FAM110C: variants seen among roughly 807,000 people sequenced by gnomAD.
FAM110C encodes the protein protein FAM110C.
Under a neutral mutation model 15.7 loss-of-function variants are expected in FAM110C, and 19 were observed. That is an observed-to-expected ratio of 1.21 (90% confidence interval 0.85 to 1.78). FAM110C has a LOEUF of 1.78. Among genes scored for constraint, FAM110C ranks in the 40% most tolerant of loss-of-function variants. FAM110C has a pLI of 0.00. For missense variants in FAM110C, 547 were observed against 495.7 expected, an observed-to-expected ratio of 1.10 and a Z score of -0.98; for synonymous variants, 275 against 233.9, an observed-to-expected ratio of 1.18 and a Z score of -1.61.
chr2:46,008 GA>G lies in FAM110C; in HGVS notation c.377del (p.Leu126ProfsTer67). The G allele has an allele frequency of 6.8e-7, 1 of 1,477,996 alleles. No individual in the cohort carries two copies. The highest frequency in any genetic ancestry group is 1.4e-5 in the South Asian group (1 of 73,556). The allele number at this position is 1,477,996 out of a possible 1,614,324, so 91.6% of individuals were successfully genotyped here. ...CCTTGTCCTTACCCGGCCCCTGGAA[GA>G]GCTTCTTCACCAGGCTTGCCCTGGG... is the stretch of plus-strand genomic sequence containing the variant. ...DGPRASLVKK[L>X]FQGPGKDKAP... On this transcript the variant is annotated frameshift_variant, in exon 1 of 2. Coordinates refer to ENST00000327669, the MANE Select transcript of FAM110C (RefSeq NM_001077710.3). LOFTEE classifies it high-confidence loss of function.
At position 46,439 on chromosome 2, in the gene FAM110C, G is replaced by C; in HGVS notation, c.-54C>G. ...CCGGGTCCAGCGGAGACGCGCTCGA[G>C]TGGTAGAGCCAGTCAGTCCCAGGGC... On this transcript the variant is annotated 5_prime_UTR_variant, in exon 1 of 2. Coordinates refer to ENST00000327669, the MANE Select transcript of FAM110C (RefSeq NM_001077710.3). The C allele has an allele frequency of 8.1e-7, 1 of 1,232,052 alleles. No individual in the cohort carries two copies. Among genetic ancestry groups the C allele is most frequent in the Non-Finnish European group, 1.0e-6 (1 of 977,384 alleles). 76.3% of individuals were successfully genotyped at this position (1,232,052 alleles called of 1,614,324 possible). A position where few individuals can be genotyped will look rare whatever the true frequency, so the allele number is the denominator to read the frequency against.
Position 42,904 on chromosome 2 carries a change from C to T in FAM110C, c.947-1277G>A, listed in dbSNP as rs1289527164. ...AAAGCACAGCTTAAATTCCTGCTTC[C>T]ACATCTTCCAGAAGTTGCAGAACTG... On this transcript the variant is annotated intron_variant, in intron 1 of 1. Coordinates refer to ENST00000327669, the MANE Select transcript of FAM110C (RefSeq NM_001077710.3). The T allele has an allele frequency of 6.1e-6, 6 of 985,292 alleles. No individual in the cohort carries two copies. In the African/African-American group the frequency reaches 1.0e-4, roughly 17 times the overall value. The allele number at this position is 985,292 out of a possible 1,614,324, so 61.0% of individuals were successfully genotyped here. A position where few individuals can be genotyped will look rare whatever the true frequency, so the allele number is the denominator to read the frequency against.
At chr2:43,748 T>C (rs1664192681) in intron 1 of FAM110C, 4 of 985,438 alleles carry the variant, frequency 4.1e-6, no homozygotes, top group Non-Finnish European at 4.8e-6. Flanking sequence ...TACCACCAAG[T>C]CTACCTACTG....
In FAM110C at chr2:40,640, G is replaced by C. The variant is rs1338757678; in HGVS notation, c.*968C>G. 4 of 152,168 alleles carry C rather than the reference G, an allele frequency of 2.6e-5. No individual in the cohort carries two copies. Among genetic ancestry groups the C allele is most frequent in the Non-Finnish European group, 5.9e-5 (4 of 68,046 alleles). 9.4% of individuals were successfully genotyped at this position (152,168 alleles called of 1,614,324 possible). ...AAAAGAGTGAATTGGTGTCAAATTT[G>C]GGTTGATTACGTCATATGTGGAGGT... On this transcript the variant is annotated 3_prime_UTR_variant, in exon 2 of 2. Coordinates refer to ENST00000327669, the MANE Select transcript of FAM110C (RefSeq NM_001077710.3).
At chr2:45,164 A>G (rs780917746) in intron 1 of FAM110C, 377 of 985,276 alleles carry the variant, frequency 3.8e-4, no homozygotes, top group Non-Finnish European at 4.3e-4. Flanking sequence ...AATGGGACAT[A>G]TTAATTTGCA....
At position 45,685 on chromosome 2, in the gene FAM110C, C is replaced by T; in HGVS notation, c.701G>A (p.Arg234Lys). 2 of 1,605,594 alleles carry T rather than the reference C, an allele frequency of 1.2e-6. No homozygotes were observed. Among genetic ancestry groups the T allele is most frequent in the Admixed American group, 1.7e-5 (1 of 58,826 alleles). ...LDPEVVEALGRENFTAGSDCV... is the reference protein window; with the variant it reads ...LDPEVVEALGKENFTAGSDCV... ...GTCCGACCCCGCGGTGAAGTTCTCC[C>T]TCCCCAGGGCCTCCACCACCTCGGG... Residue 234 changes from arginine to lysine, a missense_variant, in exon 1 of 2, where the codon AGG becomes AAG. Physicochemically the swap from Arg to Lys is conservative, Grantham distance 26. Transcript: ENST00000327669.
rs1046488101 is a variant in FAM110C, at chr2:45,869, G to A, written c.517C>T (p.Arg173Trp). 8.1e-6 allele frequency: 12 copies of A among 1,490,506 alleles called. No homozygotes were observed. The highest frequency in any genetic ancestry group is 9.7e-6 in the Non-Finnish European group (11 of 1,129,666). The allele number at this position is 1,490,506 out of a possible 1,614,324, so 92.3% of individuals were successfully genotyped here. Residue 173 changes from arginine (R) to tryptophan (W), a missense_variant, in exon 1 of 2, where the codon CGG becomes TGG. By Grantham distance (101) the Arg-to-Trp change is moderately radical. Transcript: ENST00000327669. Reference sequence around the variant, plus strand: ...GGGACACTGGAGGGCGCCGCGGACCGCGCGGCTGGGGCTGGGGTCTCGGGG... The same window carrying A: ...GGGACACTGGAGGGCGCCGCGGACCACGCGGCTGGGGCTGGGGTCTCGGGG... ...AIPETPAPAA[R>W]SAAPSSVPAA...
chr2:43,813 G>A (rs1267072427), intron 1 of FAM110C: 44 of 985,228 alleles, frequency 4.5e-5, no homozygotes, highest in Non-Finnish European at 5.2e-5. Context: ...TACTTCTCAC[G>A]TACTTCAATA....
At position 45,899 on chromosome 2, in the gene FAM110C, C is replaced by T. The variant is rs530141927; in HGVS notation, c.487G>A (p.Ala163Thr). Reference sequence around the variant, plus strand: ...GCTGGGGCTGGGGTCTCGGGGATTGCGGGGTCCGCCGCGGGGCCAGGAGTG... The same window carrying T: ...GCTGGGGCTGGGGTCTCGGGGATTGTGGGGTCCGCCGCGGGGCCAGGAGTG... ...PTTPGPAADP[A>T]IPETPAPAAR... is the part of the protein sequence containing the mutation. The change falls in exon 1 of 2, where the codon GCA (alanine) becomes ACA (threonine). Residue 163 changes from alanine to threonine, a missense_variant. Physicochemically the swap from Ala to Thr is moderately conservative, Grantham distance 58. Transcript: ENST00000327669. The T allele has an allele frequency of 1.4e-6, 2 of 1,415,612 alleles. No individual in the cohort carries two copies. Among genetic ancestry groups the T allele is most frequent in the African/African-American group, 1.5e-5 (1 of 65,922 alleles). The allele number at this position is 1,415,612 out of a possible 1,614,324, so 87.7% of individuals were successfully genotyped here.
intron 1 of FAM110C, chr2:43,656 G>A: frequency 2.0e-6 from 2 of 985,370 alleles, no homozygotes; most frequent in South Asian, 9.4e-5. Context: ...GGAGGGATCA[G>A]AGCAGGCTGC....
intron 1 of FAM110C, chr2:43,459 C>T: frequency 9.1e-6 from 9 of 985,402 alleles, no homozygotes; most frequent in Non-Finnish European, 9.6e-6. Context: ...TCTCACTTTC[C>T]CTCTTCCTTC....
At chr2:41,692 C>G in intron 1 of FAM110C, 65 bp from the exon 2 acceptor site, 1 of 1,606,696 alleles carries the variant, frequency 6.2e-7, no homozygotes, top group South Asian at 1.1e-5. Context: ...ATAATGAAAA[C>G]TAAACATTAT....
At position 45,863 on chromosome 2, in the gene FAM110C, C is replaced by T; in HGVS notation, c.523G>A (p.Ala175Thr). Reference protein sequence around the residue: ...PETPAPAARSAAPSSVPAAPP... With the variant: ...PETPAPAARSTAPSSVPAAPP... ...GCGGCCGGGACACTGGAGGGCGCCG[C>T]GGACCGCGCGGCTGGGGCTGGGGTC... The change falls in exon 1 of 2, where the codon GCG becomes ACG. Residue 175 changes from alanine to threonine, a missense_variant. Ala to Thr is a moderately conservative substitution (Grantham distance 58, BLOSUM62 0). Transcript: ENST00000327669. 10 of 1,498,374 alleles carry T rather than the reference C, an allele frequency of 6.7e-6. No homozygotes were observed. The highest frequency in any genetic ancestry group is 8.8e-6 in the Non-Finnish European group (10 of 1,132,752). 92.8% of individuals were successfully genotyped at this position (1,498,374 alleles called of 1,614,324 possible). A position where few individuals can be genotyped will look rare whatever the true frequency, so the allele number is the denominator to read the frequency against.
chr2:44,641 A>G (rs1463673339), intron 1 of FAM110C: 2 of 985,268 alleles, frequency 2.0e-6, no homozygotes, highest in Non-Finnish European at 2.4e-6. Context: ...GGTAACAGTG[A>G]AGACCAGCAC....
chr2:44,196 T>G, intron 1 of FAM110C: 1 of 985,422 alleles, frequency 1.0e-6, no homozygotes, highest in African/African-American at 1.7e-5. Context: ...CTATATATAT[T>G]TGTTGGGAAC....
In FAM110C at chr2:41,254, TA is replaced by T. The variant is rs200762645; in HGVS notation, c.*353del. 214 of 235,002 alleles carry T rather than the reference TA, an allele frequency of 9.1e-4. No homozygotes were observed. The highest frequency in any genetic ancestry group is 2.4e-3 in the East Asian group (28 of 11,548). 14.6% of individuals were successfully genotyped at this position (235,002 alleles called of 1,614,324 possible). ...TGCTTGGTTTTTATTTTCCTTGATT[TA>T]AAAAAAAATCAACTTAGATATTGTT... On this transcript the variant is annotated 3_prime_UTR_variant, in exon 2 of 2. Transcript: ENST00000327669.
intron 1 of FAM110C, chr2:45,233 G>T: frequency 1.0e-6 from 1 of 985,440 alleles, no homozygotes. Flanking sequence ...ACCAGCAGGT[G>T]CCTGGATTGG....
chr2:44,755 A>T (rs1170298316), intron 1 of FAM110C: 1 of 985,318 alleles, frequency 1.0e-6, no homozygotes, highest in Non-Finnish European at 1.2e-6. Flanking sequence ...AGGCAAATAA[A>T]CTATAGACTC....
intron 1 of FAM110C, chr2:43,741 C>T: frequency 2.0e-6 from 2 of 985,344 alleles, no homozygotes; most frequent in South Asian, 9.4e-5. Context: ...CTATTTATAC[C>T]ACCAAGTCTA....
Sources: allele counts gnomAD v4.1 joint callset, GRCh38; gene constraint gnomAD v4.1.1; transcripts MANE v1.5; gene names NCBI Gene and HGNC (gene_info 2026-07-23, HGNC 2026-07-21).